The following SEMA6D variants were observed in gnomAD, a reference collection of about 807,000 sequenced individuals.
SEMA6D encodes the protein semaphorin 6D.
Under a neutral mutation model 106.6 loss-of-function variants are expected in SEMA6D, and 35 were observed. The ratio of observed to expected loss-of-function variants is 0.33; its 90% CI spans 0.25 to 0.44. The LOEUF is 0.44. Ranked by LOEUF, SEMA6D falls within the 20% of genes least tolerant of loss-of-function variation. SEMA6D has a pLI of 1.00. For missense variants in SEMA6D, 1,185 were observed against 1,345.9 expected (o/e 0.88, Z 1.87); for synonymous variants, 499 against 487.7 (o/e 1.02, Z -0.31).
chr15:47,204,298 A>C (rs1048127563), intron 1 of SEMA6D, among the ~76,000 whole-genome samples: 1 of 152,140 alleles, frequency 6.6e-6, no homozygotes, highest in Non-Finnish European at 1.5e-5. Flanking sequence ...GAGGTACATA[A>C]ATGTCTTCTG....
chr15:47,316,932 A>T (rs2036707532), intron 1 of SEMA6D, among the ~76,000 whole-genome samples: 1 of 152,290 alleles, frequency 6.6e-6, no homozygotes, highest in East Asian at 1.9e-4. Flanking sequence ...CTCATATAAC[A>T]TGTTTAGGAA....
chr15:47,529,567 A>G (rs552791800), intron 3 of SEMA6D, among the ~76,000 whole-genome samples: 4 of 140,598 alleles, frequency 2.8e-5, no homozygotes, highest in African/African-American at 1.1e-4. Flanking sequence ...ATTCTTCTGG[A>G]TGTTTCTCCA....
intron 4 of SEMA6D, among the ~76,000 whole-genome samples, chr15:47,640,622 G>A (rs553744764): frequency 2.6e-5 from 4 of 152,244 alleles, no homozygotes; most frequent in South Asian, 2.1e-4. Context: ...AATTTTGTAC[G>A]TCTATGAGCC....
intron 3 of SEMA6D, among the ~76,000 whole-genome samples, chr15:47,533,105 C>T (rs1313675975): frequency 6.6e-6 from 1 of 152,164 alleles, no homozygotes; most frequent in Non-Finnish European, 1.5e-5. Context: ...CGTAGGCTGG[C>T]TGTAATAAAA....
chr15:47,386,801 A>G (rs374198433), intron 1 of SEMA6D, among the ~76,000 whole-genome samples: 4 of 152,256 alleles, frequency 2.6e-5, no homozygotes, highest in Non-Finnish European at 4.4e-5. Flanking sequence ...TAATAAGCAC[A>G]GGGGCTAGAA....
chr15:47,749,743 C>T (rs191608328), intron 1 of SEMA6D, among the ~76,000 whole-genome samples: 140 of 152,086 alleles, frequency 9.2e-4, no homozygotes, highest in African/African-American at 2.7e-3. Context: ...GTGTGGTGGA[C>T]GTGTGATCTG....
intron 1 of SEMA6D, among the ~76,000 whole-genome samples, chr15:47,217,800 ATGTT>A (rs1322302481): frequency 6.6e-6 from 1 of 151,380 alleles, no homozygotes; most frequent in Non-Finnish European, 1.5e-5. Flanking sequence ...ATATGTGTAT[ATGTT>A]TGTATATACA....
At chr15:47,616,738 T>C (rs1388295021) in intron 4 of SEMA6D, among the ~76,000 whole-genome samples, 1 of 152,164 alleles carries the variant, frequency 6.6e-6, no homozygotes, top group Non-Finnish European at 1.5e-5. Flanking sequence ...GAAAAGTAGA[T>C]GTTGGAAATA....
intron 1 of SEMA6D, among the ~76,000 whole-genome samples, chr15:47,375,852 A>G (rs1441035075): frequency 6.6e-6 from 1 of 152,252 alleles, no homozygotes; most frequent in Non-Finnish European, 1.5e-5. Flanking sequence ...GTTCTATTGT[A>G]TTAATTGGAA....
At chr15:47,428,486 G>C (rs2041421893) in intron 2 of SEMA6D, among the ~76,000 whole-genome samples, 19 of 106,222 alleles carry the variant, frequency 1.8e-4, no homozygotes, top group South Asian at 3.7e-4. Context: ...GTAAAATGGG[G>C]CAAGGTGCAG....
intron 1 of SEMA6D, among the ~76,000 whole-genome samples, chr15:47,302,578 A>G (rs183365946): frequency 1.4e-4 from 21 of 152,248 alleles, no homozygotes; most frequent in African/African-American, 5.1e-4. Flanking sequence ...GGGTCCATGT[A>G]ATTTTAAGGA....
At chr15:47,209,982 CTCT>C (rs2141203947) in intron 1 of SEMA6D, among the ~76,000 whole-genome samples, 1 of 152,278 alleles carries the variant, frequency 6.6e-6, no homozygotes, top group Admixed American at 6.5e-5. Context: ...CTACTACATT[CTCT>C]TCTTAAAAAG....
At chr15:47,648,198 A>T (rs1002069807) in intron 4 of SEMA6D, among the ~76,000 whole-genome samples, 2 of 152,158 alleles carry the variant, frequency 1.3e-5, no homozygotes, top group African/African-American at 4.8e-5. Flanking sequence ...AGAAAAAAAC[A>T]TCTATGCCAG....
Position 47,364,078 on chromosome 15 carries a change from C to A in SEMA6D, c.-238-48315C>A, listed in dbSNP as rs146309597. On this transcript the variant is annotated intron_variant, in intron 1 of 19. Coordinates refer to the SEMA6D transcript ENST00000558014. The stretch of plus-strand genomic sequence containing the variant: ...TTGAGATGAGATTTGGGTGGGGACA[C>A]ACAGCCAAACCGTATCAGAAGCTGA... Among the ~76,000 whole-genome samples the A allele has an allele frequency of 1.4e-3, 206 of 152,262 alleles. 1 individual carries two copies. Among genetic ancestry groups the A allele is most frequent in the African/African-American group, 4.7e-3 (194 of 41,544 alleles).
At chr15:47,697,532 G>T (rs6493291) in intron 4 of SEMA6D, among the ~76,000 whole-genome samples, 5,118 of 152,184 alleles carry the variant, frequency 0.034, 243 homozygotes, top group East Asian at 0.13. Flanking sequence ...TGAATTCCAA[G>T]ATTCATCCTA....
chr15:47,468,247 A>G lies in SEMA6D; in HGVS notation c.-158-2227A>G, dbSNP rs139968527. On this transcript the variant is annotated intron_variant, in intron 2 of 19. Transcript: ENST00000558014. Reference sequence around the variant, plus strand: ...TCATTGAAAATGCAGTTACAGCTGAAAGTGATTTCCATTATTGGCATTTTC... The same window carrying G: ...TCATTGAAAATGCAGTTACAGCTGAGAGTGATTTCCATTATTGGCATTTTC... Among the ~76,000 whole-genome samples the G allele has an allele frequency of 1.4e-4, 21 of 152,200 alleles. No individual in the cohort carries two copies. The East Asian group carries it at 3.9e-3, about 28-fold the overall frequency.
chr15:47,411,363 G>A (rs1296161111), intron 1 of SEMA6D, among the ~76,000 whole-genome samples: 2 of 152,016 alleles, frequency 1.3e-5, no homozygotes, highest in African/African-American at 4.8e-5. Flanking sequence ...CCAAAGTGCT[G>A]GGATTGAGTT....
At chr15:47,357,293 C>T (rs1049647288) in intron 1 of SEMA6D, among the ~76,000 whole-genome samples, 5 of 151,884 alleles carry the variant, frequency 3.3e-5, no homozygotes, top group African/African-American at 4.8e-5. Context: ...AAGATCGGGC[C>T]ACTGCATTCC....
intron 3 of SEMA6D, among the ~76,000 whole-genome samples, chr15:47,564,536 T>G (rs2046173536): frequency 6.6e-6 from 1 of 152,200 alleles, no homozygotes; most frequent in African/African-American, 2.4e-5. Flanking sequence ...GATATAAGAC[T>G]ATTTATAGTC....
Sources: allele counts gnomAD v4.1 joint callset (sites outside exome capture counted in the v4.1 genomes callset), GRCh38; gene constraint gnomAD v4.1.1; transcripts MANE v1.5; gene names NCBI Gene and HGNC (gene_info 2026-07-23, HGNC 2026-07-21).